Variants in AHCTF1 observed in about 807,000 individuals in gnomAD.
AHCTF1 encodes AT-hook containing transcription factor 1.
Under a neutral mutation model 248.4 loss-of-function variants are expected in AHCTF1, and 24 were observed. The ratio of observed to expected loss-of-function variants is 0.10; its 90% CI spans 0.07 to 0.14. The LOEUF is 0.14. Ranked by LOEUF, AHCTF1 falls within the 10% of genes least tolerant of loss-of-function variation. The probability of loss-of-function intolerance (pLI) is 1.00; values close to 1 mark genes in which losing one functional copy is unlikely to be tolerated. For missense variants in AHCTF1, 2,206 were observed against 2,636.2 expected, an observed-to-expected ratio of 0.84 and a Z score of 3.57; for synonymous variants, 786 against 929.8, an observed-to-expected ratio of 0.85 and a Z score of 2.81.
intron 5 of AHCTF1, 26 bp downstream of exon 5, chr1:246,907,525 A>C: frequency 6.3e-7 from 1 of 1,599,564 alleles, no homozygotes; most frequent in Non-Finnish European, 8.5e-7. Context: ...ACCTATAATC[A>C]AATAAGGGAA....
At chr1:246,913,729 A>G (rs1223179088) in intron 3 of AHCTF1, among the ~76,000 whole-genome samples, 2 of 152,216 alleles carry the variant, frequency 1.3e-5, no homozygotes, top group Non-Finnish European at 2.9e-5. Context: ...ATGTGTGAGT[A>G]CTTCTCTTTA....
intron 1 of AHCTF1, among the ~76,000 whole-genome samples, chr1:246,927,818 C>T (rs1200309863): frequency 1.3e-5 from 2 of 152,110 alleles, no homozygotes; most frequent in African/African-American, 2.4e-5. Flanking sequence ...TCCTGGCCAA[C>T]ATGGTGAAAC....
At chr1:246,921,522 T>A (rs1462039846) in intron 1 of AHCTF1, among the ~76,000 whole-genome samples, 1 of 152,194 alleles carries the variant, frequency 6.6e-6, no homozygotes, top group African/African-American at 2.4e-5. Context: ...ATGAGTAGTT[T>A]TAAATTATAG....
chr1:246,931,427 C>T, intron 1 of AHCTF1, 151 bp downstream of exon 1: 3 of 1,417,582 alleles, frequency 2.1e-6, no homozygotes, highest in Non-Finnish European at 2.8e-6. Flanking sequence ...GAGCCCCATC[C>T]GTTGGCCCCG....
In AHCTF1 at chr1:246,926,583, C is replaced by T. The variant is rs1057504154; in HGVS notation, c.-8+4995G>A. Among the ~76,000 whole-genome samples the T allele has an allele frequency of 5.3e-5, 8 of 152,324 alleles. No individual in the cohort carries two copies. In the East Asian group the frequency reaches 7.7e-4, roughly 15 times the overall value. The stretch of plus-strand genomic sequence containing the variant: ...TATTATTAGAAATAGGGGCCAGGCG[C>T]GGTGGCTCACACCTGTCATCCCAGC... On this transcript the variant is annotated intron_variant, in intron 1 of 35. Coordinates refer to ENST00000648844, the MANE Select transcript of AHCTF1 (RefSeq NM_001323342.2).
At chr1:246,855,454 C>G (rs1008717419) in intron 31 of AHCTF1, among the ~76,000 whole-genome samples, 8 of 152,166 alleles carry the variant, frequency 5.3e-5, no homozygotes, top group African/African-American at 1.9e-4. Flanking sequence ...TCTTCTGAGT[C>G]CAAGAAGATC....
intron 1 of AHCTF1, among the ~76,000 whole-genome samples, chr1:246,927,520 T>C (rs979732252): frequency 1.3e-5 from 2 of 152,210 alleles, no homozygotes; most frequent in South Asian, 4.1e-4. Flanking sequence ...AAAGAATATC[T>C]CATATAAAGG....
intron 14 of AHCTF1, among the ~76,000 whole-genome samples, chr1:246,893,174 C>T (rs1308598061): frequency 1.3e-5 from 2 of 152,026 alleles, no homozygotes; most frequent in Non-Finnish European, 2.9e-5. Context: ...ACATTTTCCT[C>T]TTAAAAAAAT....
rs778328927 is a variant in AHCTF1 at position 246,888,458 on chromosome 1, C to A, written c.2204G>T (p.Arg735Leu). 2 of 1,613,360 alleles carry A rather than the reference C, an allele frequency of 1.2e-6. No homozygotes were observed. Among genetic ancestry groups the A allele is most frequent in the Non-Finnish European group, 1.7e-6 (2 of 1,179,994 alleles). ...IDGLVSQLGERIEKLWKRDEG... is the reference protein window; with the variant it reads ...IDGLVSQLGELIEKLWKRDEG... ...ATCTCGTTTCCACAACTTCTCAATT[C>A]GCTCTCCTAACTGAGAAACCAGTCC... The change falls in exon 18 of 36, where the codon CGA becomes CTA. Residue 735 changes from arginine (R) to leucine (L), a missense_variant. Around this residue, in one of 6 missense-constraint regions of AHCTF1, gnomAD observed 650 missense variants for 870.8 expected, o/e 0.75. Coordinates refer to ENST00000648844, the MANE Select transcript of AHCTF1 (RefSeq NM_001323342.2).
chr1:246,841,814 C>G (rs1558201079), intron 35 of AHCTF1, among the ~76,000 whole-genome samples: 1 of 152,016 alleles, frequency 6.6e-6, no homozygotes, highest in Non-Finnish European at 1.5e-5. Context: ...TTTTTTGAGA[C>G]AGAGTCTCAG....
chr1:246,875,983 T>C, intron 24 of AHCTF1, 54 bp downstream of exon 24: 1 of 1,467,000 alleles, frequency 6.8e-7, no homozygotes, highest in Non-Finnish European at 9.2e-7. Flanking sequence ...AAAGTAATCA[T>C]TCAGTATCTT....
intron 33 of AHCTF1, among the ~76,000 whole-genome samples, chr1:246,847,244 A>G (rs1005653295): frequency 6.6e-6 from 1 of 151,614 alleles, no homozygotes; most frequent in African/African-American, 2.4e-5. Context: ...AGCCAAGATC[A>G]CACCATTGCA....
intron 21 of AHCTF1, among the ~76,000 whole-genome samples, chr1:246,885,226 C>T (rs1663731786): frequency 6.6e-6 from 1 of 152,088 alleles, no homozygotes; most frequent in South Asian, 2.1e-4. Context: ...TTCCAGGATC[C>T]CCATGGATAC....
Position 246,849,822 on chromosome 1 carries a change from G to A in AHCTF1, c.6184C>T (p.His2062Tyr). 1 of 1,613,950 alleles carries A rather than the reference G, an allele frequency of 6.2e-7. No homozygotes were observed. The highest frequency in any genetic ancestry group is 8.5e-7 in the Non-Finnish European group (1 of 1,179,850). The change falls in exon 33 of 36, where the codon CAC becomes TAC. Residue 2062 changes from histidine to tyrosine, a missense_variant. Around this residue, in one of 6 missense-constraint regions of AHCTF1, gnomAD observed 469 missense variants for 470.0 expected, o/e 1.00. Coordinates refer to ENST00000648844, the MANE Select transcript of AHCTF1 (RefSeq NM_001323342.2). ...TESQSQKRSL[H>Y]SVSEERTDEM... ...TCTGTGCGTTCTTCTGATACTGAGT[G>A]CAATGAACGTTTTTGGCTTTGACTT... is the stretch of plus-strand genomic sequence containing the variant.
chr1:246,896,446 A>T (rs1664579952), intron 12 of AHCTF1, among the ~76,000 whole-genome samples: 1 of 152,252 alleles, frequency 6.6e-6, no homozygotes, highest in African/African-American at 2.4e-5. Flanking sequence ...TAAATGAGAC[A>T]GTCACAAAAG....
In AHCTF1 at chr1:246,900,187, A is replaced by G; in HGVS notation, c.1310T>C (p.Val437Ala). Residue 437 changes from valine (V) to alanine (A), a missense_variant, in exon 10 of 36, where the codon GTA becomes GCA. Coordinates refer to ENST00000648844, the MANE Select transcript of AHCTF1 (RefSeq NM_001323342.2). ...GATGCCATGTGGAGAAGTCCTACTT[A>G]CAACAGACTCCAATGACCACAGTGC... ...YFALWSLESVVSRTSPHGILD... is the reference protein window; with the variant it reads ...YFALWSLESVASRTSPHGILD... The G allele has an allele frequency of 6.2e-7, 1 of 1,608,310 alleles. No homozygotes were observed. The highest frequency in any genetic ancestry group is 8.5e-7 in the Non-Finnish European group (1 of 1,178,420).
In AHCTF1 at chr1:246,867,902, CACACACA is replaced by C. The variant is rs1353391949; in HGVS notation, c.3089-98_3089-92del. 68 of 260,278 alleles carry C rather than the reference CACACACA, an allele frequency of 2.6e-4. 1 individual carries two copies. The highest frequency in any genetic ancestry group is 1.3e-3 in the African/African-American group (16 of 12,002). 16.1% of individuals were successfully genotyped at this position (260,278 alleles called of 1,614,324 possible). A position where few individuals can be genotyped will look rare whatever the true frequency, so the allele number is the denominator to read the frequency against. ...GAAAGAATGATTACACCCCCCCCCC[CACACACA>C]CACACACACACATTACGTGGTAATA... On this transcript the variant is annotated intron_variant, in intron 24 of 35. Coordinates refer to ENST00000648844, the MANE Select transcript of AHCTF1 (RefSeq NM_001323342.2).
chr1:246,880,789 A>C (rs987648813), intron 21 of AHCTF1, among the ~76,000 whole-genome samples: 1 of 152,200 alleles, frequency 6.6e-6, no homozygotes, highest in African/African-American at 2.4e-5. Flanking sequence ...CATTGCCAAC[A>C]TTTAACAAAT....
intron 4 of AHCTF1, among the ~76,000 whole-genome samples, chr1:246,911,069 C>T (rs115893430): frequency 0.017 from 2,645 of 152,174 alleles, 80 homozygotes; most frequent in African/African-American, 0.06. Flanking sequence ...GCTATAAAGT[C>T]CAACTGCTTC....
Sources: allele counts gnomAD v4.1 joint callset (sites outside exome capture counted in the v4.1 genomes callset), GRCh38; gene constraint gnomAD v4.1.1; regional missense constraint gnomAD v4.1.1; transcripts MANE v1.5; gene names NCBI Gene and HGNC (gene_info 2026-07-23, HGNC 2026-07-21).